The following RBM39 variants were observed in gnomAD, a reference collection of about 807,000 sequenced individuals.
RBM39 encodes RNA binding motif protein 39.
Under a neutral mutation model 79.6 loss-of-function variants are expected in RBM39, and 12 were observed. The ratio of observed to expected loss-of-function variants is 0.15; its 90% CI spans 0.10 to 0.24. RBM39 has a LOEUF of 0.24. RBM39 is among the 10% of genes least tolerant of loss of function. RBM39 has a pLI of 1.00. For missense variants in RBM39, 243 were observed against 653.4 expected, an observed-to-expected ratio of 0.37 and a Z score of 6.85; for synonymous variants, 185 against 208.4, an observed-to-expected ratio of 0.89 and a Z score of 0.97.
At chr20:35,724,941 A>G (rs1286099799) in intron 7 of RBM39, 97 bp downstream of exon 7, 3 of 1,041,872 alleles carry the variant, frequency 2.9e-6, no homozygotes, top group African/African-American at 3.2e-5. Flanking sequence ...ATTACCACAA[A>G]CAAATACTGC....
rs2035545621 is a variant in RBM39 at position 35,705,002 on chromosome 20, G to A, written c.1413+223C>T. 6 of 587,288 alleles carry A rather than the reference G, an allele frequency of 1.0e-5. No individual in the cohort carries two copies. The South Asian group carries it at 1.3e-4, about 13-fold the overall frequency. 36.4% of individuals were successfully genotyped at this position (587,288 alleles called of 1,614,324 possible). On this transcript the variant is annotated intron_variant, in intron 15 of 16. Transcript: ENST00000253363. ...TCAAGATGCCAAGATTTCATGGCAA[G>A]CTTTGAGCATTACTAGAAATCCTCT... is the stretch of plus-strand genomic sequence containing the variant.
intron 4 of RBM39, among the ~76,000 whole-genome samples, chr20:35,730,218 A>G (rs1040971886): frequency 3.9e-5 from 6 of 152,204 alleles, no homozygotes; most frequent in Non-Finnish European, 7.3e-5. Flanking sequence ...CAGGACTAAC[A>G]GAGTGTTTTC....
chr20:35,709,166 T>TA, intron 13 of RBM39, 58 bp downstream of exon 13: 1 of 1,442,160 alleles, frequency 6.9e-7, no homozygotes, highest in Non-Finnish European at 9.5e-7. Context: ...AAAACTGTCT[T>TA]ACTACATTTA....
At chr20:35,711,208 T>C (rs1283583749) in intron 12 of RBM39, among the ~76,000 whole-genome samples, 1 of 152,182 alleles carries the variant, frequency 6.6e-6, no homozygotes. Context: ...CACCACCCTT[T>C]AGTGGAATAC....
intron 3 of RBM39, 145 bp from the exon 4 acceptor site, chr20:35,732,280 TA>T (rs11479445): frequency 0.65 from 346,435 of 533,252 alleles, 81,281 homozygotes; most frequent in African/African-American, 0.86. Flanking sequence ...TAATCATACT[TA>T]AAAAAAAAAA....
rs776711089 is a variant in RBM39, at chr20:35,721,710, C to G, written c.825+30G>C. 2.2e-5 allele frequency: 35 copies of G among 1,609,392 alleles called. No individual in the cohort carries two copies. In the South Asian group the frequency reaches 3.8e-4, roughly 18 times the overall value. On this transcript the variant is annotated intron_variant, in intron 9 of 16. Coordinates refer to ENST00000253363, the MANE Select transcript of RBM39 (RefSeq NM_184234.3). ...TAGTTATACTCAGATCAACAACCTACTGAAGATTCATTGAAGAACCTGGAC... is the reference window on the plus strand; with the variant it reads ...TAGTTATACTCAGATCAACAACCTAGTGAAGATTCATTGAAGAACCTGGAC...
intron 8 of RBM39, among the ~76,000 whole-genome samples, chr20:35,722,162 C>CTTTAGTAGGCTAAAGCAGCCA (rs2038024499): frequency 6.6e-6 from 1 of 152,078 alleles, no homozygotes; most frequent in Non-Finnish European, 1.5e-5. Flanking sequence ...AATCCCAGCA[C>CTTTAGTAGGCTAAAGCAGCCA]TTTAGTAGGC....
At chr20:35,724,192 C>T (rs1238749121) in intron 8 of RBM39, among the ~76,000 whole-genome samples, 4 of 151,736 alleles carry the variant, frequency 2.6e-5, no homozygotes, top group African/African-American at 7.3e-5. Context: ...AGTAGCCGAA[C>T]GTGGTGGCAG....
At chr20:35,735,199 T>C in intron 3 of RBM39, 1 of 1,319,746 alleles carries the variant, frequency 7.6e-7, no homozygotes, top group Non-Finnish European at 9.8e-7. Flanking sequence ...TATTGAGTAA[T>C]TCTCTAAAGA....
At chr20:35,716,353 C>T (rs1354539244) in intron 10 of RBM39, among the ~76,000 whole-genome samples, 1 of 152,198 alleles carries the variant, frequency 6.6e-6, no homozygotes, top group Non-Finnish European at 1.5e-5. Context: ...GGATTACAGG[C>T]ATAAGCCACC....
intron 1 of RBM39, 121 bp from the exon 2 acceptor site, chr20:35,741,008 G>T: frequency 1.0e-5 from 3 of 293,938 alleles, no homozygotes; most frequent in South Asian, 4.0e-5. Flanking sequence ...AGAACAAGAC[G>T]ATTCCGTGAG....
At chr20:35,730,185 A>G (rs1472901933) in intron 4 of RBM39, among the ~76,000 whole-genome samples, 1 of 152,208 alleles carries the variant, frequency 6.6e-6, no homozygotes, top group Non-Finnish European at 1.5e-5. Context: ...CCAATTCTCT[A>G]GAAAAATTTT....
At chr20:35,736,104 C>A (rs140781448) in intron 3 of RBM39, among the ~76,000 whole-genome samples, 1 of 85,264 alleles carries the variant, frequency 1.2e-5, no homozygotes, top group Non-Finnish European at 2.9e-5. Context: ...TTTAGCCACT[C>A]GGCCTGACAC....
At chr20:35,718,282 CAA>C (rs35232905) in intron 9 of RBM39, among the ~76,000 whole-genome samples, 36 of 146,814 alleles carry the variant, frequency 2.5e-4, no homozygotes, top group African/African-American at 7.4e-4. Flanking sequence ...CAAAACAAAA[CAA>C]AAAAAAAACG....
intron 9 of RBM39, 135 bp downstream of exon 9, chr20:35,721,603 CAG>C: frequency 1.0e-6 from 1 of 968,082 alleles, no homozygotes. Flanking sequence ...TATGTTGTCA[CAG>C]AAATTTTTAT....
At chr20:35,734,844 A>T in intron 3 of RBM39, 1 of 1,422,394 alleles carries the variant, frequency 7.0e-7, no homozygotes, top group Non-Finnish European at 9.2e-7. Flanking sequence ...TATTACATTA[A>T]CTAAAGAAGG....
chr20:35,713,148 A>C, intron 11 of RBM39, 52 bp from the exon 12 acceptor site: 1 of 1,483,076 alleles, frequency 6.7e-7, no homozygotes, highest in Non-Finnish European at 9.3e-7. Flanking sequence ...AGAGAAACGA[A>C]GTTTCCTGGG....
At chr20:35,706,292 G>A (rs1232652483) in intron 14 of RBM39, among the ~76,000 whole-genome samples, 2 of 152,096 alleles carry the variant, frequency 1.3e-5, no homozygotes, top group East Asian at 1.9e-4. Context: ...AGATAGAGCC[G>A]GTGGCGCCAC....
intron 12 of RBM39, among the ~76,000 whole-genome samples, chr20:35,712,608 C>T (rs773770793): frequency 1.3e-5 from 2 of 151,832 alleles, no homozygotes; most frequent in Admixed American, 6.6e-5. Context: ...TTTTTATGTA[C>T]TATAAAGAAA....
Sources: gnomAD v4.1 joint callset for allele counts (sites outside exome capture counted in the v4.1 genomes callset) on GRCh38, gnomAD v4.1.1 for gene constraint, MANE v1.5 for transcripts, NCBI Gene and HGNC (gene_info 2026-07-23, HGNC 2026-07-21) for gene names.